Variants in PCDH9 observed in about 807,000 individuals in gnomAD.
PCDH9 encodes protocadherin-9.
PCDH9 carries 24 observed loss-of-function variants against 70.6 expected under a neutral mutation model. That is an observed-to-expected ratio of 0.34 (90% CI 0.25 to 0.48). The LOEUF is 0.48. Among genes scored for constraint, PCDH9 ranks in the 20% least tolerant of loss-of-function variants. The pLI, the probability that PCDH9 is intolerant of heterozygous loss-of-function variation, is 0.99. For synonymous variants in PCDH9, 562 were observed against 558.5 expected, an observed-to-expected ratio of 1.01 and a Z score of -0.09; for missense variants, 1,281 against 1,503.6, an observed-to-expected ratio of 0.85 and a Z score of 2.45.
intron 3 of PCDH9, among the ~76,000 whole-genome samples, chr13:66,796,473 G>A (rs988280789): frequency 2.6e-5 from 4 of 152,136 alleles, no homozygotes; most frequent in African/African-American, 9.7e-5. Flanking sequence ...GATAGTGACA[G>A]CTTCCTCAAA....
intron 2 of PCDH9, among the ~76,000 whole-genome samples, chr13:67,034,276 C>G (rs2084966289): frequency 1.3e-5 from 2 of 152,120 alleles, no homozygotes; most frequent in East Asian, 3.9e-4. Context: ...AGCCACCGTG[C>G]CCAGCCAGGA....
rs1365559239 is a variant in PCDH9, at chr13:66,824,193, A to C, written c.3138+79311T>G. On this transcript the variant is annotated intron_variant, in intron 3 of 4. Transcript: ENST00000377865. ...TTAAATAATTTAAATCTATTTTAGA[A>C]ATACTTGTCTTAACTAATATATTTT... is the stretch of plus-strand genomic sequence containing the variant. Among the ~76,000 whole-genome samples, 5 of 151,246 alleles carry C rather than the reference A, an allele frequency of 3.3e-5. 1 individual carries two copies. Among genetic ancestry groups the C allele is most frequent in the Admixed American group, 2.6e-4 (4 of 15,202 alleles).
intron 2 of PCDH9, among the ~76,000 whole-genome samples, chr13:67,128,595 C>A (rs763153800): frequency 6.6e-6 from 1 of 152,166 alleles, no homozygotes; most frequent in Non-Finnish European, 1.5e-5. Context: ...TATTATCACC[C>A]TTCTGCTCTC....
intron 4 of PCDH9, among the ~76,000 whole-genome samples, chr13:66,429,997 C>T (rs1237804549): frequency 6.6e-6 from 1 of 151,968 alleles, no homozygotes; most frequent in Non-Finnish European, 1.5e-5. Flanking sequence ...CTTTAAGTAG[C>T]CAAAAGAGCT....
chr13:66,579,600 C>T (rs987382800), intron 4 of PCDH9, among the ~76,000 whole-genome samples: 2 of 152,020 alleles, frequency 1.3e-5, no homozygotes, highest in Non-Finnish European at 2.9e-5. Flanking sequence ...CAATAGCAAT[C>T]ATTGTGGCAA....
intron 3 of PCDH9, among the ~76,000 whole-genome samples, chr13:66,769,807 A>G (rs1174645546): frequency 6.6e-6 from 1 of 152,136 alleles, no homozygotes; most frequent in Non-Finnish European, 1.5e-5. Context: ...GCCAAATCTC[A>G]TATTTTTACA....
At chr13:66,813,974 T>C (rs1255431241) in intron 3 of PCDH9, among the ~76,000 whole-genome samples, 1 of 152,136 alleles carries the variant, frequency 6.6e-6, no homozygotes, top group Non-Finnish European at 1.5e-5. Context: ...ACACACAAAC[T>C]ACCAGCAGCT....
intron 4 of PCDH9, among the ~76,000 whole-genome samples, chr13:66,499,185 C>G (rs374844398): frequency 1.3e-5 from 2 of 150,854 alleles, no homozygotes; most frequent in Non-Finnish European, 3.0e-5. Flanking sequence ...AATACTACTA[C>G]GAATTGAAAT....
intron 3 of PCDH9, among the ~76,000 whole-genome samples, chr13:66,773,243 T>C (rs2079836723): frequency 6.6e-6 from 1 of 152,200 alleles, no homozygotes; most frequent in African/African-American, 2.4e-5. Context: ...ATGTTCTATA[T>C]ATATGTGCTC....
chr13:66,884,165 T>A (rs2139546995), intron 3 of PCDH9, among the ~76,000 whole-genome samples: 1 of 152,286 alleles, frequency 6.6e-6, no homozygotes, highest in East Asian at 1.9e-4. Flanking sequence ...CCCAAAGTGC[T>A]GGGATTACAG....
chr13:67,049,825 CATAA>C (rs2085289668), intron 2 of PCDH9, among the ~76,000 whole-genome samples: 1 of 152,150 alleles, frequency 6.6e-6, no homozygotes, highest in Non-Finnish European at 1.5e-5. Flanking sequence ...AATTTATAAA[CATAA>C]ATACTTTTTT....
rs373732677 is a variant in PCDH9 at position 66,861,958 on chromosome 13, T to C, written c.3138+41546A>G. Among the ~76,000 whole-genome samples, 326 of 152,296 alleles carry C rather than the reference T, an allele frequency of 2.1e-3. 1 individual carries two copies. Among genetic ancestry groups the C allele is most frequent in the South Asian group, 8.5e-3 (41 of 4,822 alleles). On this transcript the variant is annotated intron_variant, in intron 3 of 4. Coordinates refer to ENST00000377865, the MANE Select transcript of PCDH9 (RefSeq NM_203487.3). ...CCTCTCTTTTCTCTTGCAATCCCAA[T>C]TTTATAAAAGAAAGACTGCTGCAAA...
intron 2 of PCDH9, among the ~76,000 whole-genome samples, chr13:67,058,547 T>C (rs2085468063): frequency 6.6e-6 from 1 of 152,170 alleles, no homozygotes; most frequent in Non-Finnish European, 1.5e-5. Context: ...ATTGAACTTA[T>C]AACTACACAT....
intron 4 of PCDH9, among the ~76,000 whole-genome samples, chr13:66,442,697 G>C (rs372185814): frequency 1.3e-5 from 2 of 151,530 alleles, no homozygotes; most frequent in African/African-American, 4.9e-5. Context: ...AAATTATTTC[G>C]GTGTGAACTT....
intron 4 of PCDH9, among the ~76,000 whole-genome samples, chr13:66,374,508 C>T (rs144356032): frequency 3.3e-5 from 5 of 151,844 alleles, no homozygotes; most frequent in Admixed American, 1.3e-4. Flanking sequence ...GTACTCTACA[C>T]GTTATTTAAT....
At chr13:66,828,794 T>C (rs958847394) in intron 3 of PCDH9, among the ~76,000 whole-genome samples, 2 of 144,408 alleles carry the variant, frequency 1.4e-5, no homozygotes, top group African/African-American at 2.7e-5. Context: ...TTAAATTTTG[T>C]TGTAAGCCAT....
At chr13:66,359,586 A>G (rs1341755155) in intron 4 of PCDH9, among the ~76,000 whole-genome samples, 3 of 152,098 alleles carry the variant, frequency 2.0e-5, no homozygotes, top group African/African-American at 7.2e-5. Flanking sequence ...AGCAGGTTCC[A>G]TCCTGTCGGC....
rs558723074 is a variant in PCDH9, at chr13:66,751,896, C to A, written c.3139-120485G>T. Among the ~76,000 whole-genome samples the A allele has an allele frequency of 6.6e-5, 10 of 152,234 alleles. No individual in the cohort carries two copies. The South Asian group carries it at 2.1e-3, about 32-fold the overall frequency. On this transcript the variant is annotated intron_variant, in intron 3 of 4. Transcript: ENST00000377865. ...TGAAAAGTGAAACCAGTATTAGACTCATGAAACTTATGGTTTAGTGCTGGT... is the reference window on the plus strand; with the variant it reads ...TGAAAAGTGAAACCAGTATTAGACTAATGAAACTTATGGTTTAGTGCTGGT...
chr13:66,766,648 G>A lies in PCDH9; in HGVS notation c.3139-135237C>T, dbSNP rs751352574. Among the ~76,000 whole-genome samples, 3 of 151,944 alleles carry A rather than the reference G, an allele frequency of 2.0e-5. No individual in the cohort carries two copies. The East Asian group carries it at 5.8e-4, about 29-fold the overall frequency. On this transcript the variant is annotated intron_variant, in intron 3 of 4. Coordinates refer to ENST00000377865, the MANE Select transcript of PCDH9 (RefSeq NM_203487.3). ...AAATGTAGAGTTGGGAAGGGAAAGG[G>A]GAAAGGGAAGGAGGAGAGGGATCAG...
Sources: gnomAD v4.1 joint callset for allele counts (sites outside exome capture counted in the v4.1 genomes callset) on GRCh38, gnomAD v4.1.1 for gene constraint, MANE v1.5 for transcripts, NCBI Gene and HGNC (gene_info 2026-07-23, HGNC 2026-07-21) for gene names.